Variants in PCDHA9 observed in about 807,000 individuals in gnomAD.
PCDHA9 encodes the protein protocadherin alpha 9.
Under a neutral mutation model 62.0 loss-of-function variants are expected in PCDHA9, and 62 were observed. The observed-to-expected ratio is 1.00, with a 90% CI of 0.81 to 1.23. The LOEUF (loss-of-function observed/expected upper bound fraction) is 1.23. PCDHA9 is among the 50% of genes most tolerant of loss of function. The pLI, the probability that PCDHA9 is intolerant of heterozygous loss-of-function variation, is 0.00. For missense variants in PCDHA9, 1,205 were observed against 1,249.8 expected (o/e 0.96, Z 0.54); for synonymous variants, 557 against 567.6 (o/e 0.98, Z 0.27).
At chr5:141,002,797 G>A (rs1025670333) in intron 3 of PCDHA9, among the ~76,000 whole-genome samples, 2 of 152,190 alleles carry the variant, frequency 1.3e-5, no homozygotes, top group African/African-American at 4.8e-5. Context: ...TATGGATGAG[G>A]AAACTGAGGC....
intron 1 of PCDHA9, among the ~76,000 whole-genome samples, chr5:140,946,591 A>C (rs972556402): frequency 5.0e-5 from 6 of 119,488 alleles, no homozygotes; most frequent in African/African-American, 2.1e-4. Context: ...ATAGTGGATG[A>C]ATAGATAAAG....
At chr5:140,973,492 T>C (rs2096590680) in intron 1 of PCDHA9, among the ~76,000 whole-genome samples, 1 of 152,192 alleles carries the variant, frequency 6.6e-6, no homozygotes, top group African/African-American at 2.4e-5. Context: ...GTCACAGGAC[T>C]CTTCTTCTGA....
intron 1 of PCDHA9, chr5:140,969,293 C>T: frequency 6.2e-7 from 1 of 1,614,188 alleles, no homozygotes; most frequent in Admixed American, 1.7e-5. Flanking sequence ...TGCTGGGAAC[C>T]TGATTATTCT....
At chr5:140,898,624 A>G (rs1374108541) in intron 1 of PCDHA9, among the ~76,000 whole-genome samples, 13 of 152,248 alleles carry the variant, frequency 8.5e-5, no homozygotes, top group African/African-American at 2.6e-4. Flanking sequence ...CAGGTAGCAT[A>G]ATGCCTCCAG....
At chr5:140,873,722 G>A (rs371744747) in intron 1 of PCDHA9, among the ~76,000 whole-genome samples, 2 of 152,198 alleles carry the variant, frequency 1.3e-5, no homozygotes, top group South Asian at 2.1e-4. Flanking sequence ...GTGCAGTGGC[G>A]CAATCTCAGC....
intron 1 of PCDHA9, chr5:140,857,146 CGTCATTGCCCT>C: frequency 6.3e-7 from 1 of 1,598,132 alleles, no homozygotes; most frequent in Non-Finnish European, 8.6e-7. Context: ...AAGTGGGCAC[CGTCATTGCCCT>C]AATCAGCGTT....
At position 140,850,244 on chromosome 5, in the gene PCDHA9, G is replaced by A. The variant is rs2150475347; in HGVS notation, c.1749G>A (p.Arg583=). The change falls in exon 1 of 4, where the codon CGG becomes CGA. Residue 583 remains arginine, a synonymous_variant. Transcript: ENST00000532602. ...GCGCAGTGAGCGAGATGGTGCTGCG[G>A]TCGGTGGGCGCCGGCGTAGTGGTGG... The part of the protein sequence containing the change: ...TDGAVSEMVL[R]SVGAGVVVGK... 2 of 1,593,676 alleles carry A rather than the reference G, an allele frequency of 1.3e-6. No homozygotes were observed. Among genetic ancestry groups the A allele is most frequent in the East Asian group, 2.2e-5 (1 of 44,824 alleles).
chr5:140,918,003 T>A (rs1223893662), intron 1 of PCDHA9, among the ~76,000 whole-genome samples: 1 of 152,216 alleles, frequency 6.6e-6, no homozygotes, highest in African/African-American at 2.4e-5. Flanking sequence ...ATCTTAACAA[T>A]GTTGTTTCTT....
chr5:140,944,871 C>T (rs1370417254), intron 1 of PCDHA9, among the ~76,000 whole-genome samples: 1 of 152,110 alleles, frequency 6.6e-6, no homozygotes, highest in Non-Finnish European at 1.5e-5. Flanking sequence ...ATCTTAACCA[C>T]CTACTCCACT....
chr5:140,954,995 T>C (rs962646761), intron 1 of PCDHA9, among the ~76,000 whole-genome samples: 2 of 152,222 alleles, frequency 1.3e-5, no homozygotes, highest in African/African-American at 2.4e-5. Context: ...TGCATATGGC[T>C]AGCCAATTCT....
chr5:141,009,269 A>G (rs2098404104), intron 3 of PCDHA9, among the ~76,000 whole-genome samples: 1 of 152,140 alleles, frequency 6.6e-6, no homozygotes, highest in Non-Finnish European at 1.5e-5. Flanking sequence ...AGCCTGGGCA[A>G]CATAGTGAGA....
In PCDHA9 at chr5:140,926,166, C is replaced by G. The variant is rs116217295; in HGVS notation, c.2395-52783C>G. 1.9e-3 allele frequency among the ~76,000 whole-genome samples: 292 copies of G among 151,864 alleles called. 1 individual carries two copies. The highest frequency in any genetic ancestry group is 6.7e-3 in the African/African-American group (280 of 41,552). ...AGCGCGGAAAGCTCTGCAGCAGGAT[C>G]CAGCGCGGAAAGCCCCCCGCAGCAC... On this transcript the variant is annotated intron_variant, in intron 1 of 3. Coordinates refer to ENST00000532602, the MANE Select transcript of PCDHA9 (RefSeq NM_031857.2).
At chr5:140,915,557 T>G (rs909593732) in intron 1 of PCDHA9, among the ~76,000 whole-genome samples, 1 of 152,102 alleles carries the variant, frequency 6.6e-6, no homozygotes, top group African/African-American at 2.4e-5. Flanking sequence ...AGATCCAGAA[T>G]GATTATCTGG....
chr5:140,876,791 G>C lies in PCDHA9; in HGVS notation c.2394+25902G>C, dbSNP rs782617794. 4.3e-6 allele frequency: 7 copies of C among 1,614,242 alleles called. No homozygotes were observed. The Admixed American group carries it at 1.2e-4, about 27-fold the overall frequency. On this transcript the variant is annotated intron_variant, in intron 1 of 3. Coordinates refer to ENST00000532602, the MANE Select transcript of PCDHA9 (RefSeq NM_031857.2). ...TCGCCTTCGCTGTGGGCCACGGCTA[G>C]AGTGTCCGTGGAGGTGGCCGACGTG...
chr5:140,883,092 G>C (rs782675726), intron 1 of PCDHA9: 2 of 1,614,108 alleles, frequency 1.2e-6, no homozygotes, highest in Non-Finnish European at 1.7e-6. Flanking sequence ...GGTACAAATG[G>C]AGATATAGTT....
intron 1 of PCDHA9, chr5:140,881,315 A>G: frequency 1.0e-6 from 1 of 981,768 alleles, no homozygotes; most frequent in Non-Finnish European, 1.2e-6. Flanking sequence ...TCCTGGTTAA[A>G]TTCTATTTAA....
chr5:140,918,403 C>G (rs192008600), intron 1 of PCDHA9, among the ~76,000 whole-genome samples: 1 of 152,278 alleles, frequency 6.6e-6, no homozygotes, highest in African/African-American at 2.4e-5. Flanking sequence ...CCTGATTTCT[C>G]TGGCCAGGAC....
Position 140,893,497 on chromosome 5 carries a change from GA to G in PCDHA9, c.2394+42617del, listed in dbSNP as rs1157700367. Among the ~76,000 whole-genome samples the G allele has an allele frequency of 3.1e-4, 47 of 150,168 alleles. No individual in the cohort carries two copies. The Middle Eastern group carries it at 0.01, about 33-fold the overall frequency. ...GCAAGACCCTGTTCTTCACAAAAAAGAAAAAAAAAGCAGTTGTAGAACTCCT... is the reference window on the plus strand; with the variant it reads ...GCAAGACCCTGTTCTTCACAAAAAAGAAAAAAAAGCAGTTGTAGAACTCCT... On this transcript the variant is annotated intron_variant, in intron 1 of 3. Transcript: ENST00000532602.
intron 1 of PCDHA9, among the ~76,000 whole-genome samples, chr5:140,957,202 A>G (rs75358038): frequency 1.8e-4 from 28 of 152,316 alleles, no homozygotes; most frequent in Non-Finnish European, 2.9e-4. Flanking sequence ...TGGGAATATA[A>G]ATAGGCACAA....
Sources: gnomAD v4.1 joint callset for allele counts (sites outside exome capture counted in the v4.1 genomes callset) on GRCh38, gnomAD v4.1.1 for gene constraint, MANE v1.5 for transcripts, NCBI Gene and HGNC (gene_info 2026-07-23, HGNC 2026-07-21) for gene names.